The following GNPNAT1 variants were observed in gnomAD, a reference collection of about 807,000 sequenced individuals.
GNPNAT1 encodes the protein glucosamine 6-phosphate N-acetyltransferase.
A neutral mutation model predicts 19.8 loss-of-function variants in GNPNAT1; 11 were observed. That is an observed-to-expected ratio of 0.56 (90% CI 0.35 to 0.92). The LOEUF (loss-of-function observed/expected upper bound fraction) is 0.92. Ranked by LOEUF, GNPNAT1 falls within the 40% of genes least tolerant of loss-of-function variation. GNPNAT1 has a pLI of 0.01. For synonymous variants in GNPNAT1, 71 were observed against 72.3 expected (o/e 0.98, Z 0.09); for missense variants, 157 against 211.0 (o/e 0.74, Z 1.59).
At position 52,776,391 on chromosome 14, in the gene GNPNAT1, G is replaced by GTAGAAT. The variant is rs1209761861; in HGVS notation, c.*1919_*1920insATTCTA. ...CTCAATGACACAATTTTTGTATGGT[G>GTAGAAT]TACCTTACCTGTAATTCTATTTCCT... On this transcript the variant is annotated 3_prime_UTR_variant, in exon 6 of 6. Coordinates refer to ENST00000216410, the MANE Select transcript of GNPNAT1 (RefSeq NM_198066.4). 6.6e-6 allele frequency: 1 copy of GTAGAAT among 152,106 alleles called. No individual in the cohort carries two copies. Among genetic ancestry groups the GTAGAAT allele is most frequent in the Non-Finnish European group, 1.5e-5 (1 of 68,036 alleles). The allele number at this position is 152,106 out of a possible 1,614,324, so 9.4% of individuals were successfully genotyped here.
chr14:52,785,195 T>C (rs1284509067), intron 1 of GNPNAT1, among the ~76,000 whole-genome samples: 2 of 151,956 alleles, frequency 1.3e-5, no homozygotes, highest in African/African-American at 4.8e-5. Context: ...CCCAAAGTGC[T>C]GGGATTACAG....
intron 4 of GNPNAT1, among the ~76,000 whole-genome samples, chr14:52,781,068 ATGTT>A (rs1882882801): frequency 6.6e-6 from 1 of 152,146 alleles, no homozygotes; most frequent in South Asian, 2.1e-4. Flanking sequence ...TAATTTAAAG[ATGTT>A]TTTACTTATT....
At chr14:52,779,749 A>AC (rs1013266256) in intron 5 of GNPNAT1, among the ~76,000 whole-genome samples, 3 of 151,092 alleles carry the variant, frequency 2.0e-5, no homozygotes, top group Non-Finnish European at 4.4e-5. Context: ...AAAAAAAAAA[A>AC]ACATAAATTA....
chr14:52,783,576 G>A (rs986887504), intron 2 of GNPNAT1, 91 bp from the exon 3 acceptor site: 1 of 751,756 alleles, frequency 1.3e-6, no homozygotes, highest in Admixed American at 2.5e-5. Context: ...GGGCTTACAG[G>A]CAATTATTTT....
intron 1 of GNPNAT1, among the ~76,000 whole-genome samples, chr14:52,785,908 C>G (rs1458290626): frequency 6.6e-6 from 1 of 150,658 alleles, no homozygotes; most frequent in African/African-American, 2.4e-5. Flanking sequence ...CCACCACGCC[C>G]AGCTAGTTTT....
intron 5 of GNPNAT1, among the ~76,000 whole-genome samples, chr14:52,780,318 TGA>T (rs1020429165): frequency 1.3e-5 from 2 of 152,052 alleles, no homozygotes; most frequent in African/African-American, 2.4e-5. Context: ...CTTATGAGAA[TGA>T]GAGATCACAG....
intron 1 of GNPNAT1, chr14:52,787,955 T>G (rs1883062745): frequency 6.6e-6 from 1 of 152,074 alleles, no homozygotes; most frequent in African/African-American, 2.4e-5. Context: ...GTTTATAATG[T>G]AGACTGCTGA....
At chr14:52,790,996 GCTCCGACC>G (rs1883159115) in intron 1 of GNPNAT1, among the ~76,000 whole-genome samples, 1 of 152,034 alleles carries the variant, frequency 6.6e-6, no homozygotes, top group African/African-American at 2.4e-5. Flanking sequence ...TGCCTCAATG[GCTCCGACC>G]ACCGTGGGAT....
intron 3 of GNPNAT1, among the ~76,000 whole-genome samples, chr14:52,783,046 T>A (rs1482180950): frequency 1.3e-5 from 2 of 152,008 alleles, no homozygotes; most frequent in Non-Finnish European, 2.9e-5. Flanking sequence ...ACCTTAAACT[T>A]CAATACAAAT....
chr14:52,781,362 C>T (rs190412256), intron 4 of GNPNAT1, among the ~76,000 whole-genome samples: 7 of 152,158 alleles, frequency 4.6e-5, no homozygotes, highest in African/African-American at 1.4e-4. Context: ...GGTTTTCTCT[C>T]CCTCTTTTTT....
intron 1 of GNPNAT1, among the ~76,000 whole-genome samples, chr14:52,790,401 T>C (rs1883143244): frequency 6.6e-6 from 1 of 152,220 alleles, no homozygotes. Flanking sequence ...ATAACAAGAA[T>C]CCATTCTGAA....
rs143080708 is a variant in GNPNAT1, at chr14:52,779,419, A to T, written c.408-961T>A. 4.8e-3 allele frequency among the ~76,000 whole-genome samples: 726 copies of T among 151,536 alleles called. 14 individuals carry two copies. Among genetic ancestry groups the T allele is most frequent in the Admixed American group, 0.032 (481 of 15,250 alleles). On this transcript the variant is annotated intron_variant, in intron 5 of 5. Coordinates refer to ENST00000216410, the MANE Select transcript of GNPNAT1 (RefSeq NM_198066.4). ...GAACAGACTAAAAAATCCTATTTTTAAAAAAAACAAAAGACCTTGACTGAA... is the reference window on the plus strand; with the variant it reads ...GAACAGACTAAAAAATCCTATTTTTTAAAAAAACAAAAGACCTTGACTGAA...
chr14:52,786,614 CCT>C (rs1320734645), intron 1 of GNPNAT1, among the ~76,000 whole-genome samples: 2 of 152,002 alleles, frequency 1.3e-5, no homozygotes, highest in Admixed American at 6.6e-5. Flanking sequence ...GATATTTCCC[CCT>C]CTTTTTTGAA....
At chr14:52,783,285 T>G (rs543558011) in intron 3 of GNPNAT1, 138 bp downstream of exon 3, 4 of 582,004 alleles carry the variant, frequency 6.9e-6, no homozygotes, top group African/African-American at 3.8e-5. Flanking sequence ...ACATTAAACA[T>G]TTGTATAAAA....
rs1486939509 is a variant in GNPNAT1, at chr14:52,779,076, A to C, written c.408-618T>G. 2.6e-5 allele frequency among the ~76,000 whole-genome samples: 4 copies of C among 152,202 alleles called. No individual in the cohort carries two copies. In the South Asian group the frequency reaches 8.3e-4, roughly 32 times the overall value. The stretch of plus-strand genomic sequence containing the variant: ...ACTAAAAACTCAACCTTTAAAAAAA[A>C]AAATGACCAAAATTATTTTGTAAAA... On this transcript the variant is annotated intron_variant, in intron 5 of 5. Coordinates refer to ENST00000216410, the MANE Select transcript of GNPNAT1 (RefSeq NM_198066.4).
At position 52,775,916 on chromosome 14, in the gene GNPNAT1, A is replaced by T. The variant is rs1364213557; in HGVS notation, c.*2395T>A. 6.6e-6 allele frequency: 1 copy of T among 152,452 alleles called. No homozygotes were observed. The highest frequency in any genetic ancestry group is 1.5e-5 in the Non-Finnish European group (1 of 68,396). The allele number at this position is 152,452 out of a possible 1,614,324, so 9.4% of individuals were successfully genotyped here. A position where few individuals can be genotyped will look rare whatever the true frequency, so the allele number is the denominator to read the frequency against. ...ATGTGGGCCAGGTGCAGTGGCTCGCACCTGTCATCCAAGCACTTTGGGAGG... is the reference window on the plus strand; with the variant it reads ...ATGTGGGCCAGGTGCAGTGGCTCGCTCCTGTCATCCAAGCACTTTGGGAGG... On this transcript the variant is annotated 3_prime_UTR_variant, in exon 6 of 6. Coordinates refer to ENST00000216410, the MANE Select transcript of GNPNAT1 (RefSeq NM_198066.4).
chr14:52,789,308 A>G (rs1414612363), intron 1 of GNPNAT1, among the ~76,000 whole-genome samples: 4 of 152,222 alleles, frequency 2.6e-5, no homozygotes, highest in Non-Finnish European at 5.9e-5. Flanking sequence ...CTCTGCTCTT[A>G]ACCATTACAC....
intron 1 of GNPNAT1, among the ~76,000 whole-genome samples, chr14:52,788,290 C>CGTGG (rs1396758341): frequency 5.3e-5 from 8 of 151,244 alleles, no homozygotes; most frequent in Non-Finnish European, 1.2e-4. Context: ...CATACCACCA[C>CGTGG]GCCTGGCTAA....
chr14:52,784,862 A>T (rs571979099), intron 1 of GNPNAT1, among the ~76,000 whole-genome samples, 198 bp from the exon 2 acceptor site: 52 of 152,170 alleles, frequency 3.4e-4, no homozygotes, highest in South Asian at 2.9e-3. Flanking sequence ...ACTATCAGAT[A>T]AAAAAATGGC....
Sources: allele counts gnomAD v4.1 joint callset (sites outside exome capture counted in the v4.1 genomes callset), GRCh38; gene constraint gnomAD v4.1.1; transcripts MANE v1.5; gene names NCBI Gene and HGNC (gene_info 2026-07-23, HGNC 2026-07-21).